The following SHANK2 variants were observed in gnomAD, a reference collection of about 807,000 sequenced individuals.
SHANK2 encodes SH3 and multiple ankyrin repeat domains protein 2.
In SHANK2, 43 loss-of-function variants were observed where a neutral mutation model predicts 133.7. That is an observed-to-expected ratio of 0.32 (90% CI 0.25 to 0.41). The LOEUF is 0.41. SHANK2 is among the 10% of genes least tolerant of loss of function. The pLI, the probability that SHANK2 is intolerant of heterozygous loss-of-function variation, is 1.00. For synonymous variants in SHANK2, 1,017 were observed against 952.8 expected, an observed-to-expected ratio of 1.07 and a Z score of -1.24; for missense variants, 1,994 against 2,235.8, an observed-to-expected ratio of 0.89 and a Z score of 2.18.
intron 2 of SHANK2, among the ~76,000 whole-genome samples, chr11:71,182,619 G>C (rs1953581859): frequency 6.6e-6 from 1 of 152,080 alleles, no homozygotes; most frequent in African/African-American, 2.4e-5. Context: ...CTTCTGATAA[G>C]GATGCCAGTC....
At chr11:71,221,966 G>T (rs1262166366) in intron 2 of SHANK2, among the ~76,000 whole-genome samples, 1 of 152,120 alleles carries the variant, frequency 6.6e-6, no homozygotes, top group African/African-American at 2.4e-5. Flanking sequence ...CTCCTGTTAG[G>T]GCGGAACTGG....
intron 17 of SHANK2, among the ~76,000 whole-genome samples, chr11:70,621,377 G>T (rs1447645646): frequency 1.3e-5 from 2 of 152,254 alleles, no homozygotes; most frequent in African/African-American, 4.8e-5. Context: ...ACCCAGACCA[G>T]CTTGGAGCCC....
In SHANK2 at chr11:70,486,171, G is replaced by A; in HGVS notation, c.4122C>T (p.Thr1374=). The A allele has an allele frequency of 1.2e-6, 2 of 1,613,606 alleles. No homozygotes were observed. The highest frequency in any genetic ancestry group is 1.7e-6 in the Non-Finnish European group (2 of 1,179,610). ...CTTCCATGGAGCCCACCGCGACGAT[G>A]GTTCTGCCGGGCACGGTGGTGGGCT... ...APEPTTVPGR[T]IVAVGSMEEA... The change falls in exon 25 of 26, where the codon ACC becomes ACT. Residue 1374 remains threonine (T), a synonymous_variant. Transcript: ENST00000601538. This position sits in a 1 kb window ranked among gnomAD's most constrained non-coding sequence, Gnocchi z 8.0.
intron 2 of SHANK2, among the ~76,000 whole-genome samples, chr11:71,187,575 A>G (rs1311886154): frequency 1.5e-4 from 23 of 151,856 alleles, no homozygotes; most frequent in African/African-American, 5.3e-4. Flanking sequence ...TGGGTTTCTC[A>G]TGTTTTATTC....
At chr11:70,599,207 A>G (rs2060443444) in intron 17 of SHANK2, among the ~76,000 whole-genome samples, 1 of 152,220 alleles carries the variant, frequency 6.6e-6, no homozygotes, top group Admixed American at 6.5e-5. Flanking sequence ...AGCAAATGCA[A>G]TTCTGAAAAA....
chr11:70,546,092 ATTT>A (rs2059691001), intron 17 of SHANK2, among the ~76,000 whole-genome samples: 1 of 101,776 alleles, frequency 9.8e-6, no homozygotes. Flanking sequence ...AAATTTATTT[ATTT>A]AATTTTTTTT....
intron 17 of SHANK2, among the ~76,000 whole-genome samples, chr11:70,655,766 T>C (rs1391066072): frequency 6.6e-6 from 1 of 152,126 alleles, no homozygotes; most frequent in Non-Finnish European, 1.5e-5. Context: ...TGTGTTTGGG[T>C]CGAGGAGACT....
intron 2 of SHANK2, among the ~76,000 whole-genome samples, chr11:71,169,488 G>A (rs921077069): frequency 4.6e-5 from 7 of 152,162 alleles, no homozygotes; most frequent in Admixed American, 1.3e-4. Context: ...GGTGGCTCAC[G>A]CCTATAATCC....
intron 2 of SHANK2, among the ~76,000 whole-genome samples, chr11:71,214,776 A>C (rs907459088): frequency 6.6e-6 from 1 of 152,152 alleles, no homozygotes; most frequent in Non-Finnish European, 1.5e-5. Context: ...ACTGGGACCC[A>C]TGCAGCTGTC....
chr11:70,941,975 C>T (rs868995002), intron 10 of SHANK2, among the ~76,000 whole-genome samples: 48 of 152,066 alleles, frequency 3.2e-4, no homozygotes, highest in Admixed American at 2.1e-3. Context: ...GGATGGATCA[C>T]GAGGTCAGGA....
Position 71,110,394 on chromosome 11 carries a change from C to T in SHANK2, c.484-345G>A, listed in dbSNP as rs191599603. On this transcript the variant is annotated intron_variant, in intron 5 of 25. Transcript: ENST00000601538. The stretch of plus-strand genomic sequence containing the variant: ...CGGAGCTTGCAGTGAGCCGAGATCG[C>T]GCCACTGCACTCCAGCCTGGGCAAC... Among the ~76,000 whole-genome samples, 449 of 152,206 alleles carry T rather than the reference C, an allele frequency of 2.9e-3. 3 individuals carry two copies. Among genetic ancestry groups the T allele is most frequent in the African/African-American group, 9.2e-3 (384 of 41,526 alleles).
At chr11:70,736,082 G>T (rs1181707101) in intron 14 of SHANK2, among the ~76,000 whole-genome samples, 1 of 151,326 alleles carries the variant, frequency 6.6e-6, no homozygotes, top group African/African-American at 2.4e-5. Context: ...GCCTGACCCA[G>T]GTCTGAGGCT....
chr11:71,227,580 C>A (rs966952703), intron 1 of SHANK2, among the ~76,000 whole-genome samples: 3 of 151,636 alleles, frequency 2.0e-5, no homozygotes, highest in Non-Finnish European at 4.4e-5. Context: ...ATGGATAGAA[C>A]TGAAGAAAGA....
chr11:70,512,461 A>G (rs1178148701), intron 17 of SHANK2, among the ~76,000 whole-genome samples: 2 of 152,224 alleles, frequency 1.3e-5, no homozygotes, highest in African/African-American at 4.8e-5. Flanking sequence ...CTTAAACTCT[A>G]TAGTATACTA....
intron 3 of SHANK2, among the ~76,000 whole-genome samples, chr11:71,132,960 T>A (rs2135338952): frequency 6.6e-6 from 1 of 152,290 alleles, no homozygotes; most frequent in East Asian, 1.9e-4. Flanking sequence ...GGAGCAGCAC[T>A]CTCTTTGGTC....
In SHANK2 at chr11:71,194,762, G is replaced by C. The variant is rs868978277; in HGVS notation, c.-13+29935C>G. Among the ~76,000 whole-genome samples, 3 of 152,168 alleles carry C rather than the reference G, an allele frequency of 2.0e-5. No individual in the cohort carries two copies. The South Asian group carries it at 6.2e-4, about 32-fold the overall frequency. On this transcript the variant is annotated intron_variant, in intron 2 of 25. Transcript: ENST00000601538. ...AAGTATACTTGACAGAATAATTCAG[G>C]CTTCCATAACTTGAGCAGGGACTGG... is the stretch of plus-strand genomic sequence containing the variant.
chr11:70,508,599 A>AG (rs2059162507), intron 17 of SHANK2, among the ~76,000 whole-genome samples: 1 of 152,200 alleles, frequency 6.6e-6, no homozygotes, highest in Non-Finnish European at 1.5e-5. Context: ...TCTTATGAAA[A>AG]GGGGAAATTT....
rs782013449 is a variant in SHANK2, at chr11:70,661,550, C to CAA, written c.1936+45_1936+46insTT. The CAA allele has an allele frequency of 2.3e-4, 261 of 1,111,348 alleles. 1 individual carries two copies. The African/African-American group carries it at 4.4e-3, about 19-fold the overall frequency. The allele number at this position is 1,111,348 out of a possible 1,614,324, so 68.8% of individuals were successfully genotyped here. A position where few individuals can be genotyped will look rare whatever the true frequency, so the allele number is the denominator to read the frequency against. ...ACACACACACACACACACACACACACACACAAACATGGGAACATATTCAGG... is the reference window on the plus strand; with the variant it reads ...ACACACACACACACACACACACACACAAACACAAACATGGGAACATATTCAGG... On this transcript the variant is annotated intron_variant, in intron 16 of 25. Coordinates refer to ENST00000601538, the MANE Select transcript of SHANK2 (RefSeq NM_012309.5).
chr11:71,075,305 G>T, intron 8 of SHANK2, 30 bp from the exon 9 acceptor site: 1 of 172,760 alleles, frequency 5.8e-6, no homozygotes, highest in East Asian at 1.5e-4. Flanking sequence ...CTGTGAATCA[G>T]GAACCCTCCG....
Sources: gnomAD v4.1 joint callset for allele counts (sites outside exome capture counted in the v4.1 genomes callset) on GRCh38, gnomAD v4.1.1 for gene constraint, Gnocchi (gnomAD v3.1) non-coding constraint, MANE v1.5 for transcripts, NCBI Gene and HGNC (gene_info 2026-07-23, HGNC 2026-07-21) for gene names.